Variants in SEZ6L2 observed in about 807,000 individuals in gnomAD.
The protein encoded by SEZ6L2 is seizure 6-like protein 2.
A neutral mutation model predicts 97.0 loss-of-function variants in SEZ6L2; 44 were observed. The ratio of observed to expected loss-of-function variants is 0.45; its 90% CI spans 0.36 to 0.58. The LOEUF is 0.58. Ranked by LOEUF, SEZ6L2 falls within the 20% of genes least tolerant of loss-of-function variation. The pLI is 0.00. For synonymous variants in SEZ6L2, 543 were observed against 546.1 expected, an observed-to-expected ratio of 0.99 and a Z score of 0.08; for missense variants, 1,086 against 1,233.3, an observed-to-expected ratio of 0.88 and a Z score of 1.79.
intron 8 of SEZ6L2, 64 bp from the exon 9 acceptor site, chr16:29,880,128 G>T: frequency 2.0e-6 from 3 of 1,502,292 alleles, no homozygotes; most frequent in South Asian, 1.2e-5. Flanking sequence ...TTAAATTGGG[G>T]ATGTGGGCTG....
chr16:29,873,779 G>C lies in SEZ6L2; in HGVS notation c.2105-50C>G. On this transcript the variant is annotated intron_variant, in intron 12 of 17. Transcript: ENST00000617533. The surrounding 1 kb of genome is among the most constrained non-coding windows in gnomAD (Gnocchi z 4.3). ...GGGGAGCGAGGGCCTTCAAAGATCA[G>C]CCTGGGCAACACAGAGAGACCCCAT... is the stretch of plus-strand genomic sequence containing the variant. The C allele has an allele frequency of 1.3e-6, 2 of 1,491,204 alleles. No individual in the cohort carries two copies. Among genetic ancestry groups the C allele is most frequent in the South Asian group, 1.3e-5 (1 of 77,006 alleles). The allele number at this position is 1,491,204 out of a possible 1,614,324, so 92.4% of individuals were successfully genotyped here. A position where few individuals can be genotyped will look rare whatever the true frequency, so the allele number is the denominator to read the frequency against.
chr16:29,887,849 G>C, intron 6 of SEZ6L2, 32 bp from the exon 7 acceptor site: 1 of 1,610,164 alleles, frequency 6.2e-7, no homozygotes, highest in South Asian at 1.1e-5. Context: ...GTTAAGGCCA[G>C]CCTGAGGTGA....
intron 1 of SEZ6L2, among the ~76,000 whole-genome samples, chr16:29,898,439 C>G (rs2068454351): frequency 1.3e-5 from 2 of 151,770 alleles, no homozygotes; most frequent in South Asian, 4.2e-4. Context: ...CTCTCTCTCT[C>G]TCTCTCTCCC....
At chr16:29,898,823 A>T in intron 1 of SEZ6L2, 118 bp downstream of exon 1, 1 of 759,092 alleles carries the variant, frequency 1.3e-6, no homozygotes, top group Non-Finnish European at 2.1e-6. Context: ...CTTCCCCATC[A>T]GCTGTGCCTC....
In SEZ6L2 at chr16:29,878,322, G is replaced by C. The variant is rs200660323; in HGVS notation, c.1677C>G (p.Val559=). 36 of 1,598,228 alleles carry C rather than the reference G, an allele frequency of 2.3e-5. No homozygotes were observed. Among genetic ancestry groups the C allele is most frequent in the Non-Finnish European group, 3.1e-5 (36 of 1,171,662 alleles). The change falls in exon 10 of 18, where the codon GTC becomes GTG. Residue 559 remains valine, a synonymous_variant. Transcript: ENST00000617533. ...PGQDCVWGVH[V]QEEKRILLQV... ...GGAGCAAGATGCGCTTCTCTTCCTG[G>C]ACGTGCACGCCCCACACGCAGTCTT...
Position 29,877,254 on chromosome 16 carries a change from A to G in SEZ6L2, c.1909+17T>C. The G allele has an allele frequency of 2.0e-6, 3 of 1,534,760 alleles. No individual in the cohort carries two copies. The highest frequency in any genetic ancestry group is 2.6e-6 in the Non-Finnish European group (3 of 1,138,594). ...CTGCCCGACCCCTGCCCATCCCGGG[A>G]CTCTATCCCTCAGTACCTTTGAAGT... is the stretch of plus-strand genomic sequence containing the variant. On this transcript the variant is annotated intron_variant, in intron 11 of 17. Transcript: ENST00000617533.
At position 29,879,952 on chromosome 16, in the gene SEZ6L2, A is replaced by G; in HGVS notation, c.1485T>C (p.Tyr495=). 2 of 1,614,166 alleles carry G rather than the reference A, an allele frequency of 1.2e-6. No individual in the cohort carries two copies. Among genetic ancestry groups the G allele is most frequent in the Non-Finnish European group, 1.7e-6 (2 of 1,180,024 alleles). The change falls in exon 9 of 18, where the codon TAT becomes TAC. Residue 495 remains tyrosine, a synonymous_variant. Coordinates refer to ENST00000617533, the MANE Select transcript of SEZ6L2 (RefSeq NM_001243332.2). ...ALATFSCLPG[Y]ALEPPGPPNA... The stretch of plus-strand genomic sequence containing the variant: ...TGGGGGGCCCAGGGGGCTCCAGGGC[A>G]TATCCTGGGAGGCACGAGAAGGTTG...
intron 9 of SEZ6L2, among the ~76,000 whole-genome samples, chr16:29,879,503 G>C (rs1472394575): frequency 6.6e-6 from 1 of 152,164 alleles, no homozygotes; most frequent in Admixed American, 6.5e-5. Context: ...GGTATTACAG[G>C]CGTGAGCCAC....
At position 29,871,379 on chromosome 16, in the gene SEZ6L2, A is replaced by C; in HGVS notation, c.*320T>G. 2.1e-6 allele frequency: 1 copy of C among 473,668 alleles called. No homozygotes were observed. The highest frequency in any genetic ancestry group is 2.3e-5 in the South Asian group (1 of 43,196). The allele number at this position is 473,668 out of a possible 1,614,324, so 29.3% of individuals were successfully genotyped here. A position where few individuals can be genotyped will look rare whatever the true frequency, so the allele number is the denominator to read the frequency against. ...AGGGAACAGTAGAGCTATCGGGGGCAGTCCTTGAGGGGTGCCCTGGGCAGG... is the reference window on the plus strand; with the variant it reads ...AGGGAACAGTAGAGCTATCGGGGGCCGTCCTTGAGGGGTGCCCTGGGCAGG... On this transcript the variant is annotated 3_prime_UTR_variant, in exon 18 of 18. Coordinates refer to ENST00000617533, the MANE Select transcript of SEZ6L2 (RefSeq NM_001243332.2).
intron 10 of SEZ6L2, among the ~76,000 whole-genome samples, chr16:29,877,942 G>GCAA (rs1339670299): frequency 1.3e-5 from 2 of 152,186 alleles, no homozygotes; most frequent in Admixed American, 6.6e-5. Flanking sequence ...TCCCCAACTT[G>GCAA]CTGGTGTTAA....
At chr16:29,872,877 C>T in intron 14 of SEZ6L2, 134 bp from the exon 15 acceptor site, 4 of 726,512 alleles carry the variant, frequency 5.5e-6, no homozygotes, top group Non-Finnish European at 9.0e-6. Context: ...AACTTTCTCC[C>T]TTTGTGGGGA....
In SEZ6L2 at chr16:29,899,138, T is replaced by C; in HGVS notation, c.-119A>G. 1.4e-6 allele frequency: 1 copy of C among 733,546 alleles called. No homozygotes were observed. Among genetic ancestry groups the C allele is most frequent in the Non-Finnish European group, 2.1e-6 (1 of 465,738 alleles). 45.4% of individuals were successfully genotyped at this position (733,546 alleles called of 1,614,324 possible). A position where few individuals can be genotyped will look rare whatever the true frequency, so the allele number is the denominator to read the frequency against. Reference sequence around the variant, plus strand: ...TTTTTTTTTTTTTTTTTTTTCCTCGTAGGAGTCAGCAAAGAAAGACAATTT... The same window carrying C: ...TTTTTTTTTTTTTTTTTTTTCCTCGCAGGAGTCAGCAAAGAAAGACAATTT... On this transcript the variant is annotated 5_prime_UTR_variant, in exon 1 of 18. Coordinates refer to ENST00000617533, the MANE Select transcript of SEZ6L2 (RefSeq NM_001243332.2).
chr16:29,898,928 C>T lies in SEZ6L2; in HGVS notation c.79+13G>A. On this transcript the variant is annotated intron_variant, in intron 1 of 17. Coordinates refer to ENST00000617533, the MANE Select transcript of SEZ6L2 (RefSeq NM_001243332.2). ...CCTTCCTGGGGCCCACCCCCACAGT[C>T]TCATGTCCTTACCCTGGATCCAGGG... 7 of 1,608,184 alleles carry T rather than the reference C, an allele frequency of 4.4e-6. No individual in the cohort carries two copies. Among genetic ancestry groups the T allele is most frequent in the East Asian group, 2.2e-5 (1 of 44,784 alleles).
At chr16:29,888,209 A>T (rs2068189277) in intron 6 of SEZ6L2, among the ~76,000 whole-genome samples, 1 of 152,126 alleles carries the variant, frequency 6.6e-6, no homozygotes, top group Admixed American at 6.5e-5. Flanking sequence ...GCTCTCTAGG[A>T]TAGAAGCCCT....
chr16:29,878,378 G>T lies in SEZ6L2; in HGVS notation c.1621C>A (p.Pro541Thr). The T allele has an allele frequency of 6.2e-7, 1 of 1,608,984 alleles. No homozygotes were observed. The highest frequency in any genetic ancestry group is 8.5e-7 in the Non-Finnish European group (1 of 1,177,082). Residue 541 changes from proline to threonine, a missense_variant, in exon 10 of 18, where the codon CCC becomes ACC. Around this residue, in one of 2 missense-constraint regions of SEZ6L2, gnomAD observed 776 missense variants for 794.7 expected, o/e 0.98. Coordinates refer to ENST00000617533, the MANE Select transcript of SEZ6L2 (RefSeq NM_001243332.2). ...GGGCTATAGCTCTGGGGCCAGTCGG[G>T]AGAGAGGACCACGCCAGCTGGTTCC... ...LSEPAGVVLS[P>T]DWPQSYSPGQ...
At position 29,876,847 on chromosome 16, in the gene SEZ6L2, C is replaced by T; in HGVS notation, c.2013G>A (p.Gln671=). 2 of 1,612,836 alleles carry T rather than the reference C, an allele frequency of 1.2e-6. No individual in the cohort carries two copies. The highest frequency in any genetic ancestry group is 1.1e-5 in the South Asian group (1 of 90,822). Reference sequence around the variant, plus strand: ...CTAGCAGCTCGTAGCCAGGCTCGCACTGGTAGGTGAGCACCGTGCCCCGGA... The same window carrying T: ...CTAGCAGCTCGTAGCCAGGCTCGCATTGGTAGGTGAGCACCGTGCCCCGGA... ...DLIRGTVLTY[Q]CEPGYELLGS... The change falls in exon 12 of 18, where the codon CAG becomes CAA. Residue 671 remains glutamine, a synonymous_variant. Coordinates refer to ENST00000617533, the MANE Select transcript of SEZ6L2 (RefSeq NM_001243332.2). This position sits in a 1 kb window ranked among gnomAD's most constrained non-coding sequence, Gnocchi z 6.5.
intron 9 of SEZ6L2, among the ~76,000 whole-genome samples, chr16:29,879,461 G>A (rs1373460768): frequency 1.6e-4 from 25 of 152,036 alleles, no homozygotes; most frequent in Non-Finnish European, 8.8e-5. Flanking sequence ...CCGACCTCAG[G>A]TGATCCGCCC....
In SEZ6L2 at chr16:29,871,628, G is replaced by A; in HGVS notation, c.*71C>T. On this transcript the variant is annotated 3_prime_UTR_variant, in exon 18 of 18. Coordinates refer to ENST00000617533, the MANE Select transcript of SEZ6L2 (RefSeq NM_001243332.2). Reference sequence around the variant, plus strand: ...AGGGCAGCCAGGAGGCAGAGACCGGGTCCCGTATTTCCCTCTGCCCGAATG... The same window carrying A: ...AGGGCAGCCAGGAGGCAGAGACCGGATCCCGTATTTCCCTCTGCCCGAATG... The A allele has an allele frequency of 6.7e-7, 1 of 1,481,826 alleles. No individual in the cohort carries two copies. The highest frequency in any genetic ancestry group is 1.9e-5 in the Admixed American group (1 of 52,982). 91.8% of individuals were successfully genotyped at this position (1,481,826 alleles called of 1,614,324 possible). A position where few individuals can be genotyped will look rare whatever the true frequency, so the allele number is the denominator to read the frequency against.
In SEZ6L2 at chr16:29,878,409, C is replaced by T; in HGVS notation, c.1590G>A (p.Glu530=). The T allele has an allele frequency of 1.2e-6, 2 of 1,602,802 alleles. No individual in the cohort carries two copies. The highest frequency in any genetic ancestry group is 1.7e-6 in the Non-Finnish European group (2 of 1,173,192). Residue 530 remains glutamate (E), a synonymous_variant, in exon 10 of 18, where the codon GAG becomes GAA. Coordinates refer to ENST00000617533, the MANE Select transcript of SEZ6L2 (RefSeq NM_001243332.2). ...GGACCACGCCAGCTGGTTCCGACAG[C>T]TCCCCTCCACACATGGCTAGGGAAA... ...EPACKAMCGG[E]LSEPAGVVLS... is the part of the protein sequence containing the mutation.
Sources: gnomAD v4.1 joint callset for allele counts (sites outside exome capture counted in the v4.1 genomes callset) on GRCh38, gnomAD v4.1.1 for gene constraint, gnomAD v4.1.1 regional missense constraint, Gnocchi (gnomAD v3.1) non-coding constraint, MANE v1.5 for transcripts, NCBI Gene and HGNC (gene_info 2026-07-23, HGNC 2026-07-21) for gene names.